The following RXYLT1 variants were observed in gnomAD, a reference collection of about 807,000 sequenced individuals.
RXYLT1 encodes ribitol-5-phosphate xylosyltransferase 1.
RXYLT1 carries 41 observed loss-of-function variants against 43.5 expected under a neutral mutation model. The ratio of observed to expected loss-of-function variants is 0.94; its 90% CI spans 0.73 to 1.22. The LOEUF is 1.22. Ranked by LOEUF, RXYLT1 falls within the 50% of genes most tolerant of loss-of-function variation. The probability of loss-of-function intolerance (pLI) is 0.00; values close to 1 mark genes in which losing one functional copy is unlikely to be tolerated. For missense variants in RXYLT1, 514 were observed against 532.0 expected (o/e 0.97, Z 0.33); for synonymous variants, 166 against 194.4 (o/e 0.85, Z 1.21).
intron 2 of RXYLT1, among the ~76,000 whole-genome samples, chr12:63,783,455 T>C (rs1490387045): frequency 6.6e-6 from 1 of 151,734 alleles, no homozygotes; most frequent in Admixed American, 6.6e-5. Context: ...AGCGAGACTC[T>C]GTCTCAAAAA....
intron 3 of RXYLT1, chr12:63,795,720 A>G (rs1898017409): frequency 6.6e-6 from 1 of 151,966 alleles, no homozygotes; most frequent in African/African-American, 2.4e-5. Flanking sequence ...ATAATACCAG[A>G]CTCATTTCTC....
Position 63,802,224 on chromosome 12 carries a change from G to A in RXYLT1, c.562G>A (p.Val188Met). Reference protein sequence around the residue: ...TQWLLYAQNLVQIQKLQHLAV... With the variant: ...TQWLLYAQNLMQIQKLQHLAV... The stretch of plus-strand genomic sequence containing the variant: ...GTGGTTACTTTATGCACAAAATTTA[G>A]TGCAAATTCAAAAACTCCAGCATCT... The change falls in exon 4 of 6, where the codon GTG (valine) becomes ATG (methionine). Residue 188 changes from valine to methionine, a missense_variant. Transcript: ENST00000261234. The A allele has an allele frequency of 6.2e-7, 1 of 1,614,114 alleles. No individual in the cohort carries two copies.
At chr12:63,802,771 T>C (rs941796379) in intron 4 of RXYLT1, among the ~76,000 whole-genome samples, 4 of 152,126 alleles carry the variant, frequency 2.6e-5, no homozygotes, top group Non-Finnish European at 4.4e-5. Context: ...AATATTATTA[T>C]ATCAGGAATA....
chr12:63,802,467 G>T (rs1227187006), intron 4 of RXYLT1, 62 bp downstream of exon 4: 1 of 1,438,298 alleles, frequency 7.0e-7, no homozygotes, highest in Non-Finnish European at 9.3e-7. Flanking sequence ...GAACCAGGAA[G>T]ACTTATTCAA....
chr12:63,792,748 A>G (rs1185933129), intron 3 of RXYLT1, among the ~76,000 whole-genome samples: 2 of 152,164 alleles, frequency 1.3e-5, no homozygotes, highest in East Asian at 3.9e-4. Context: ...TATTACTCCC[A>G]TTTTGCAATG....
chr12:63,807,933 G>C (rs945047504), intron 5 of RXYLT1: 1 of 152,350 alleles, frequency 6.6e-6, no homozygotes, highest in African/African-American at 2.4e-5. Flanking sequence ...CAACACAATA[G>C]CCAGATTGAT....
At chr12:63,785,269 T>TA (rs1440788046) in intron 3 of RXYLT1, 197 bp downstream of exon 3, 1 of 300,512 alleles carries the variant, frequency 3.3e-6, no homozygotes, top group Non-Finnish European at 6.1e-6. Context: ...AATTGTATAT[T>TA]ACAGAATACT....
chr12:63,792,868 A>G (rs1338595191), intron 3 of RXYLT1, among the ~76,000 whole-genome samples: 1 of 152,198 alleles, frequency 6.6e-6, no homozygotes, highest in East Asian at 1.9e-4. Flanking sequence ...CACCTCCAAT[A>G]TTAAGTATAT....
chr12:63,793,255 A>G (rs1033431093), intron 3 of RXYLT1, among the ~76,000 whole-genome samples: 7 of 152,160 alleles, frequency 4.6e-5, no homozygotes, highest in African/African-American at 9.7e-5. Flanking sequence ...GTTAACTATG[A>G]TTTAACTTTT....
Position 63,780,141 on chromosome 12 carries a change from T to C in RXYLT1, c.169+12T>C, listed in dbSNP as rs1334661262. 2.0e-6 allele frequency: 3 copies of C among 1,463,496 alleles called. No homozygotes were observed. The highest frequency in any genetic ancestry group is 5.3e-5 in the East Asian group (2 of 37,482). 90.7% of individuals were successfully genotyped at this position (1,463,496 alleles called of 1,614,324 possible). Reference sequence around the variant, plus strand: ...GAGACGCGGCCGAGGTAGGACTGGGTCGGCGGCTTCCTTCCGGCTCTGCGC... The same window carrying C: ...GAGACGCGGCCGAGGTAGGACTGGGCCGGCGGCTTCCTTCCGGCTCTGCGC... On this transcript the variant is annotated intron_variant, in intron 1 of 5. Coordinates refer to ENST00000261234, the MANE Select transcript of RXYLT1 (RefSeq NM_014254.3).
At chr12:63,795,459 A>C (rs1036349894) in intron 3 of RXYLT1, 2 of 151,366 alleles carry the variant, frequency 1.3e-5, no homozygotes, top group Non-Finnish European at 2.9e-5. Context: ...TGTGCGTGGC[A>C]GCACAAACCT....
chr12:63,802,293 A>G lies in RXYLT1; in HGVS notation c.631A>G (p.Ile211Val), dbSNP rs1311110154. 7 of 1,613,954 alleles carry G rather than the reference A, an allele frequency of 4.3e-6. No individual in the cohort carries two copies. Among genetic ancestry groups the G allele is most frequent in the Non-Finnish European group, 5.1e-6 (6 of 1,179,860 alleles). ...AAATGAACATTGTGATAATGAGTGGATAAACCCATTCCTCAAAAGAAATGG... is the reference window on the plus strand; with the variant it reads ...AAATGAACATTGTGATAATGAGTGGGTAAACCCATTCCTCAAAAGAAATGG... ...LGNEHCDNEW[I>V]NPFLKRNGGF... The change falls in exon 4 of 6, where the codon ATA (isoleucine) becomes GTA (valine). Residue 211 changes from isoleucine (I) to valine (V), a missense_variant. Physicochemically the swap from Ile to Val is conservative, Grantham distance 29 (BLOSUM62 3). Coordinates refer to ENST00000261234, the MANE Select transcript of RXYLT1 (RefSeq NM_014254.3).
At chr12:63,784,500 G>A (rs925450910) in intron 2 of RXYLT1, among the ~76,000 whole-genome samples, 2 of 152,140 alleles carry the variant, frequency 1.3e-5, no homozygotes. Context: ...AAGTGAGGAG[G>A]AGGTAATATC....
At position 63,808,704 on chromosome 12, in the gene RXYLT1, T is replaced by C; in HGVS notation, c.944T>C (p.Leu315Pro). The C allele has an allele frequency of 1.2e-6, 2 of 1,603,452 alleles. No homozygotes were observed. The highest frequency in any genetic ancestry group is 1.7e-6 in the Non-Finnish European group (2 of 1,177,914). Reference protein sequence around the residue: ...HWQPQETNESLKNYQDALLQS... With the variant: ...HWQPQETNESPKNYQDALLQS... ...CAGCCTCAGGAAACAAATGAAAGTCTTAAGAATTACCAAGATGCCTTGCTT... is the reference window on the plus strand; with the variant it reads ...CAGCCTCAGGAAACAAATGAAAGTCCTAAGAATTACCAAGATGCCTTGCTT... Residue 315 changes from leucine (L) to proline (P), a missense_variant, in exon 6 of 6, where the codon CTT (leucine) becomes CCT (proline). Leu to Pro is a moderately conservative substitution (Grantham distance 98). Transcript: ENST00000261234.
At chr12:63,780,960 G>A in intron 1 of RXYLT1, 59 bp from the exon 2 acceptor site, 1 of 1,341,166 alleles carries the variant, frequency 7.5e-7, no homozygotes, top group Non-Finnish European at 9.8e-7. Flanking sequence ...TAAATGATTT[G>A]AATTTACCTA....
chr12:63,807,716 C>T (rs1898334070), intron 5 of RXYLT1: 1 of 152,214 alleles, frequency 6.6e-6, no homozygotes, highest in Admixed American at 6.5e-5. Flanking sequence ...AGGTGCACGC[C>T]ATCACGCCCG....
In RXYLT1 at chr12:63,780,128, A is replaced by T; in HGVS notation, c.168A>T (p.Arg56=). 6.7e-7 allele frequency: 1 copy of T among 1,501,470 alleles called. No individual in the cohort carries two copies. The highest frequency in any genetic ancestry group is 8.8e-7 in the Non-Finnish European group (1 of 1,134,636). 93.0% of individuals were successfully genotyped at this position (1,501,470 alleles called of 1,614,324 possible). The stretch of plus-strand genomic sequence containing the variant: ...CCCCCGCGCGGGAGAGACGCGGCCG[A>T]GGTAGGACTGGGTCGGCGGCTTCCT... ...GAAPARERRG[R]EQSTLESEEW... Residue 56 remains arginine (R), a splice_region_variant and synonymous_variant, in exon 1 of 6, where the codon CGA becomes CGT. Coordinates refer to ENST00000261234, the MANE Select transcript of RXYLT1 (RefSeq NM_014254.3).
chr12:63,808,752 C>T lies in RXYLT1; in HGVS notation c.992C>T (p.Pro331Leu), dbSNP rs766651047. 24 of 1,612,412 alleles carry T rather than the reference C, an allele frequency of 1.5e-5. No individual in the cohort carries two copies. The highest frequency in any genetic ancestry group is 1.7e-4 in the Middle Eastern group (1 of 6,048). Residue 331 changes from proline (P) to leucine (L), a missense_variant, in exon 6 of 6, where the codon CCG (proline) becomes CTG (leucine). Physicochemically the swap from Pro to Leu is moderately conservative, Grantham distance 98 (BLOSUM62 -3). Transcript: ENST00000261234. ...CTTCAGAGTGATCTCACATTGTGCC[C>T]GGTCGGAGTAAACACAGAATGCTAT... ...ALLQSDLTLC[P>L]VGVNTECYRI...
chr12:63,797,483 A>C (rs1415620273), intron 3 of RXYLT1, among the ~76,000 whole-genome samples: 1 of 152,170 alleles, frequency 6.6e-6, no homozygotes, highest in African/African-American at 2.4e-5. Flanking sequence ...TTATATTCCC[A>C]GCAGAAGTGA....
Sources: allele counts gnomAD v4.1 joint callset (sites outside exome capture counted in the v4.1 genomes callset), GRCh38; gene constraint gnomAD v4.1.1; transcripts MANE v1.5; gene names NCBI Gene and HGNC (gene_info 2026-07-23, HGNC 2026-07-21).